DLG3: variants seen among roughly 807,000 people sequenced by gnomAD.
DLG3 encodes the protein discs large MAGUK scaffold protein 3, also known as disks large homolog 3.
In DLG3, 1 loss-of-function variant was observed where a neutral mutation model predicts 64.1. That is an observed-to-expected ratio of 0.02 (90% CI 0.01 to 0.07). The LOEUF is 0.07. Among genes scored for constraint, DLG3 ranks in the 10% least tolerant of loss-of-function variants. The pLI, the probability that DLG3 is intolerant of heterozygous loss-of-function variation, is 1.00. For missense variants in DLG3, 429 were observed against 669.5 expected (o/e 0.64, Z 3.96); for synonymous variants, 245 against 259.8 (o/e 0.94, Z 0.55).
chrX:70,445,319 G>A lies in DLG3; in HGVS notation c.118G>A (p.Gly40Arg), dbSNP rs1449722258. 5.1e-6 allele frequency: 6 copies of A among 1,165,973 alleles called. No individual in the cohort carries two copies. The highest frequency in any genetic ancestry group is 3.2e-5 in the East Asian group (1 of 31,080). The stretch of plus-strand genomic sequence containing the variant: ...CGACTGGCAAGTCCCCGACCCTTAC[G>A]GGCCAGGTGGGGGCAACGGCGCCAG... ...YGDWQVPDPY[G>R]PGGGNGASAG... The change falls in exon 1 of 19, where the codon GGG becomes AGG. Residue 40 changes from glycine to arginine, a missense_variant. Around this residue, in one of 9 missense-constraint regions of DLG3, gnomAD observed 123 missense variants for 113.3 expected, o/e 1.09. Transcript: ENST00000374360.
rs750963382 is a variant in DLG3, at chrX:70,449,789, A to G, written c.633A>G (p.Arg211=). ...EALKEAGPVV[R]LVVRRRQPPP... is the part of the protein sequence containing the mutation. The stretch of plus-strand genomic sequence containing the variant: ...TGAAGGAGGCAGGCCCTGTGGTGCG[A>G]TTGGTGGTGCGGAGGCGACAGCCTC... Residue 211 remains arginine, a synonymous_variant, in exon 4 of 19, where the codon CGA becomes CGG. Coordinates refer to ENST00000374360, the MANE Select transcript of DLG3 (RefSeq NM_021120.4). The G allele has an allele frequency of 7.5e-6, 9 of 1,204,913 alleles. No individual in the cohort carries two copies. The Admixed American group carries it at 2.0e-4, about 27-fold the overall frequency.
At chrX:70,486,227 C>T (rs1044573350) in intron 10 of DLG3, among the ~76,000 whole-genome samples, 2 of 111,886 alleles carry the variant, frequency 1.8e-5, no homozygotes, top group East Asian at 2.8e-4. Context: ...TTGAAAAGTT[C>T]CAGGAATACC....
rs1255739355 is a variant in DLG3, at chrX:70,504,309, T to A, written c.*2040T>A. Reference sequence around the variant, plus strand: ...TCAAAGTAAGCATGATACTAGTGGGTTTACCAGTGTTTCTTCCAAGGAGAC... The same window carrying A: ...TCAAAGTAAGCATGATACTAGTGGGATTACCAGTGTTTCTTCCAAGGAGAC... On this transcript the variant is annotated 3_prime_UTR_variant, in exon 19 of 19. Transcript: ENST00000374360. 1.8e-5 allele frequency: 2 copies of A among 112,014 alleles called. No individual in the cohort carries two copies. Among genetic ancestry groups the A allele is most frequent in the African/African-American group, 6.5e-5 (2 of 30,681 alleles). The allele number at this position is 112,014 out of a possible 1,213,427, so 9.2% of individuals were successfully genotyped here. A position where few individuals can be genotyped will look rare whatever the true frequency, so the allele number is the denominator to read the frequency against.
chrX:70,465,451 G>A (rs1301450630), intron 9 of DLG3, among the ~76,000 whole-genome samples: 1 of 111,819 alleles, frequency 8.9e-6, no homozygotes, highest in Non-Finnish European at 1.9e-5. Context: ...TGTGTGTCCT[G>A]GCTTTGTCCT....
At chrX:70,471,782 A>C (rs888454705) in intron 9 of DLG3, among the ~76,000 whole-genome samples, 2 of 111,194 alleles carry the variant, frequency 1.8e-5, no homozygotes, top group African/African-American at 6.5e-5. Flanking sequence ...CTTTTGAAGG[A>C]TCCAACATAT....
intron 13 of DLG3, chrX:70,497,109 T>G: frequency 6.5e-4 from 684 of 1,047,367 alleles, no homozygotes; most frequent in Non-Finnish European, 8.4e-4. Flanking sequence ...CTGGAGCATT[T>G]GAGTTTTGTG....
chrX:70,486,661 T>G (rs1343786429), intron 10 of DLG3, among the ~76,000 whole-genome samples: 1 of 99,047 alleles, frequency 1.0e-5, no homozygotes, highest in Non-Finnish European at 2.1e-5. Context: ...TTTTTTTTTT[T>G]TTTTTTTTCA....
intron 12 of DLG3, chrX:70,493,608 C>G: frequency 3.6e-6 from 2 of 549,060 alleles, no homozygotes; most frequent in Non-Finnish European, 6.3e-6. Context: ...TGTGCACCTG[C>G]TTATCTACAG....
At chrX:70,450,969 G>A in intron 6 of DLG3, 186 bp downstream of exon 6, 3 of 516,596 alleles carry the variant, frequency 5.8e-6, no homozygotes, top group Non-Finnish European at 9.6e-6. Flanking sequence ...GTACCCCATC[G>A]TGAAGACTTG....
At chrX:70,456,626 T>C (rs2086712451) in intron 9 of DLG3, among the ~76,000 whole-genome samples, 2 of 112,173 alleles carry the variant, frequency 1.8e-5, no homozygotes, top group South Asian at 7.5e-4. Context: ...TTCTACTACT[T>C]GCCAAATAAG....
Position 70,500,064 on chromosome X carries a change from G to A in DLG3, c.2145+15G>A. 2.5e-6 allele frequency: 3 copies of A among 1,199,574 alleles called. No individual in the cohort carries two copies. The highest frequency in any genetic ancestry group is 4.7e-4 in the Middle Eastern group (2 of 4,242). On this transcript the variant is annotated intron_variant, in intron 16 of 18. Transcript: ENST00000374360. ...TTGCAGAGAGGGTAAGTGTACAGGA[G>A]ATGGCCTCAAAGGGGAGGCCAATGC...
chrX:70,451,773 C>T (rs2147773087), intron 6 of DLG3, 94 bp from the exon 7 acceptor site: 2 of 1,050,107 alleles, frequency 1.9e-6, no homozygotes, highest in East Asian at 6.1e-5. Context: ...GTCTCTTTTG[C>T]ATCTGAAGTG....
At chrX:70,445,818 G>A (rs1358830283) in intron 1 of DLG3, among the ~76,000 whole-genome samples, 1 of 101,988 alleles carries the variant, frequency 9.8e-6, no homozygotes, top group African/African-American at 3.6e-5. Context: ...TTTCCTGTGT[G>A]GGGGAATTGG....
chrX:70,500,646 G>T, intron 17 of DLG3, 66 bp downstream of exon 17: 3 of 942,887 alleles, frequency 3.2e-6, no homozygotes, highest in African/African-American at 3.8e-5. Flanking sequence ...AAATGGAGAA[G>T]AAAGTGATTT....
At chrX:70,470,008 T>C (rs932815114) in intron 9 of DLG3, among the ~76,000 whole-genome samples, 1 of 111,968 alleles carries the variant, frequency 8.9e-6, no homozygotes, top group African/African-American at 3.2e-5. Flanking sequence ...AAAGAACTTT[T>C]TGGGCAGCAG....
chrX:70,482,973 AAT>A (rs1912192211), intron 10 of DLG3, among the ~76,000 whole-genome samples: 1 of 110,457 alleles, frequency 9.1e-6, no homozygotes, highest in African/African-American at 3.3e-5. Flanking sequence ...TGCCCAGGAA[AAT>A]ATATGTTTTT....
rs750641647 is a variant in DLG3 at position 70,465,053 on chromosome X, G to T, written c.1405+10737G>T. Among the ~76,000 whole-genome samples the T allele has an allele frequency of 8.0e-5, 9 of 112,019 alleles. No homozygotes were observed. In the East Asian group the frequency reaches 2.5e-3, roughly 31 times the overall value. On this transcript the variant is annotated intron_variant, in intron 9 of 18. Coordinates refer to ENST00000374360, the MANE Select transcript of DLG3 (RefSeq NM_021120.4). ...TAGGGGCCTAAGTAGACGTCCTTTG[G>T]ATTTTCAAAAAGGAGAGAATTTTGC...
intron 18 of DLG3, 130 bp downstream of exon 18, chrX:70,501,119 GAGCACAA>G (rs2087550387): frequency 3.7e-6 from 2 of 539,445 alleles, no homozygotes; most frequent in African/African-American, 4.6e-5. Context: ...TTAAGTTTTT[GAGCACAA>G]ACCTTTCCAA....
chrX:70,459,652 T>TA (rs1408428945), intron 9 of DLG3, among the ~76,000 whole-genome samples: 2 of 112,377 alleles, frequency 1.8e-5, no homozygotes, highest in Non-Finnish European at 3.8e-5. Flanking sequence ...CAGCGTCTAG[T>TA]ATGGAGCCTG....
Sources: allele counts gnomAD v4.1 joint callset (sites outside exome capture counted in the v4.1 genomes callset), GRCh38; gene constraint gnomAD v4.1.1; regional missense constraint gnomAD v4.1.1; transcripts MANE v1.5; gene names NCBI Gene and HGNC (gene_info 2026-07-23, HGNC 2026-07-21).